The following ANKS1A variants were observed in gnomAD, a reference collection of about 807,000 sequenced individuals.
ANKS1A encodes the protein ankyrin repeat and SAM domain-containing protein 1A.
Under a neutral mutation model 120.3 loss-of-function variants are expected in ANKS1A, and 55 were observed. The observed-to-expected ratio is 0.46, with a 90% CI of 0.37 to 0.57. The LOEUF (loss-of-function observed/expected upper bound fraction) is 0.57. Ranked by LOEUF, ANKS1A falls within the 20% of genes least tolerant of loss-of-function variation. The pLI is 0.00. For missense variants in ANKS1A, 1,123 were observed against 1,480.3 expected (o/e 0.76, Z 3.96); for synonymous variants, 590 against 604.7 (o/e 0.98, Z 0.36).
chr6:35,080,341 C>T (rs1777606064), intron 16 of ANKS1A, among the ~76,000 whole-genome samples: 1 of 152,234 alleles, frequency 6.6e-6, no homozygotes, highest in Admixed American at 6.5e-5. Context: ...CACCCATGAT[C>T]TGTTGCTCCT....
At chr6:34,979,468 C>CAA (rs1287647537) in intron 3 of ANKS1A, among the ~76,000 whole-genome samples, 1 of 152,164 alleles carries the variant, frequency 6.6e-6, no homozygotes, top group African/African-American at 2.4e-5. Flanking sequence ...TGTGGTTAGA[C>CAA]CATTTTTAAC....
At chr6:34,922,042 G>A (rs9394258) in intron 1 of ANKS1A, among the ~76,000 whole-genome samples, 11,373 of 144,860 alleles carry the variant, frequency 0.079, 624 homozygotes, top group East Asian at 0.34. Flanking sequence ...TTTGAGATAG[G>A]GTCTCCTTGT....
At chr6:34,954,012 A>G (rs929224854) in intron 1 of ANKS1A, among the ~76,000 whole-genome samples, 2 of 152,210 alleles carry the variant, frequency 1.3e-5, no homozygotes, top group African/African-American at 4.8e-5. Context: ...CCCCCCAAAT[A>G]ATAGTGAAGG....
chr6:34,998,932 G>A (rs1773001814), intron 10 of ANKS1A, among the ~76,000 whole-genome samples: 1 of 152,188 alleles, frequency 6.6e-6, no homozygotes, highest in African/African-American at 2.4e-5. Flanking sequence ...TCCCTGCGGG[G>A]GACTCCAACC....
intron 1 of ANKS1A, among the ~76,000 whole-genome samples, chr6:34,952,144 C>T (rs574856701): frequency 2.0e-5 from 3 of 152,260 alleles, no homozygotes; most frequent in East Asian, 3.9e-4. Flanking sequence ...AAGTTATTTC[C>T]GTCCATGCTT....
rs139020227 is a variant in ANKS1A at position 34,985,376 on chromosome 6, A to G, written c.1209+98A>G. The G allele has an allele frequency of 9.1e-5, 116 of 1,272,350 alleles. No individual in the cohort carries two copies. The East Asian group carries it at 2.5e-3, about 27-fold the overall frequency. The allele number at this position is 1,272,350 out of a possible 1,614,324, so 78.8% of individuals were successfully genotyped here. Reference sequence around the variant, plus strand: ...GAAGGGAAGTGTGATCCCTGGTGCCAGCTCATGTTTCCGGGGCCTGGAGCC... The same window carrying G: ...GAAGGGAAGTGTGATCCCTGGTGCCGGCTCATGTTTCCGGGGCCTGGAGCC... On this transcript the variant is annotated intron_variant, in intron 8 of 23. Transcript: ENST00000360359.
chr6:34,968,505 T>C (rs1212617710), intron 2 of ANKS1A, among the ~76,000 whole-genome samples: 1 of 152,126 alleles, frequency 6.6e-6, no homozygotes, highest in Non-Finnish European at 1.5e-5. Flanking sequence ...TGGCATGATC[T>C]TGGCTCACTG....
At chr6:34,900,313 T>A (rs1767284983) in intron 1 of ANKS1A, among the ~76,000 whole-genome samples, 1 of 152,206 alleles carries the variant, frequency 6.6e-6, no homozygotes, top group South Asian at 2.1e-4. Context: ...ACTTACTATA[T>A]GCTTAGGTAA....
At position 35,017,786 on chromosome 6, in the gene ANKS1A, G is replaced by A. The variant is rs41270044; in HGVS notation, c.1737G>A (p.Ser579=). The change falls in exon 11 of 24, where the codon TCG becomes TCA. Residue 579 remains serine, a synonymous_variant. Transcript: ENST00000360359. ...GCCTGCCCACCACCAACAGCCGCTC[G>A]CACCCTGAAACTTTGACTCACACAG... The part of the protein sequence containing the change: ...LTGLPTTNSR[S]HPETLTHTAS... 9.6e-3 allele frequency: 15,433 copies of A among 1,614,118 alleles called. 448 individuals carry two copies. Among genetic ancestry groups the A allele is most frequent in the East Asian group, 0.09 (4,036 of 44,872 alleles).
intron 13 of ANKS1A, among the ~76,000 whole-genome samples, chr6:35,062,918 T>A (rs1331912963): frequency 6.6e-6 from 1 of 152,216 alleles, no homozygotes; most frequent in Non-Finnish European, 1.5e-5. Flanking sequence ...TGTCTCTTGG[T>A]CCCAGGTTTA....
chr6:34,985,704 A>G (rs974893494), intron 8 of ANKS1A, among the ~76,000 whole-genome samples: 15 of 152,196 alleles, frequency 9.9e-5, no homozygotes, highest in African/African-American at 3.6e-4. Flanking sequence ...CTTACTATCC[A>G]CTTGCCCTGA....
chr6:35,045,673 G>A (rs1775685371), intron 11 of ANKS1A, among the ~76,000 whole-genome samples: 1 of 152,218 alleles, frequency 6.6e-6, no homozygotes, highest in Non-Finnish European at 1.5e-5. Context: ...CATATGGCTA[G>A]TGCTGTGATC....
chr6:35,016,578 T>C (rs1774015275), intron 10 of ANKS1A, among the ~76,000 whole-genome samples: 1 of 152,128 alleles, frequency 6.6e-6, no homozygotes, highest in Admixed American at 6.5e-5. Context: ...GAGTGTACAG[T>C]AGTAGCTGGC....
intron 11 of ANKS1A, chr6:35,023,584 C>A (rs937560343): frequency 1.8e-4 from 86 of 470,874 alleles, no homozygotes; most frequent in Non-Finnish European, 3.7e-4. Flanking sequence ...GAAAGGAGTG[C>A]AGCTGAAACT....
intron 1 of ANKS1A, among the ~76,000 whole-genome samples, chr6:34,937,321 A>T (rs953349930): frequency 4.0e-5 from 6 of 151,424 alleles, no homozygotes; most frequent in African/African-American, 1.2e-4. Context: ...ATATATATAT[A>T]TATATTTTTT....
rs547296357 is a variant in ANKS1A at position 35,048,228 on chromosome 6, T to C, written c.2011-5871T>C. 4.3e-4 allele frequency among the ~76,000 whole-genome samples: 65 copies of C among 152,168 alleles called. 1 individual carries two copies. The highest frequency in any genetic ancestry group is 6.2e-4 in the Non-Finnish European group (42 of 67,990). ...ACAGCTCTGTTGTCTCTCAGCCTAGTAGGAAAAGGGGAGTTGAAAAAGAAG... is the reference window on the plus strand; with the variant it reads ...ACAGCTCTGTTGTCTCTCAGCCTAGCAGGAAAAGGGGAGTTGAAAAAGAAG... On this transcript the variant is annotated intron_variant, in intron 11 of 23. Transcript: ENST00000360359.
intron 23 of ANKS1A, 60 bp downstream of exon 23, chr6:35,087,109 C>T: frequency 5.3e-6 from 8 of 1,508,562 alleles, no homozygotes; most frequent in Non-Finnish European, 7.4e-6. Flanking sequence ...CTCACTGTGC[C>T]TTTGCCATCC....
At chr6:34,953,195 C>T (rs954323535) in intron 1 of ANKS1A, among the ~76,000 whole-genome samples, 3 of 152,240 alleles carry the variant, frequency 2.0e-5, no homozygotes, top group Admixed American at 1.3e-4. Flanking sequence ...GAATCTGCCC[C>T]TGAGTTGCTT....
rs952647921 is a variant in ANKS1A at position 35,091,045 on chromosome 6, T to C, written c.*2436T>C. 9.1e-6 allele frequency: 9 copies of C among 985,824 alleles called. No individual in the cohort carries two copies. The highest frequency in any genetic ancestry group is 7.0e-5 in the African/African-American group (4 of 57,258). 61.1% of individuals were successfully genotyped at this position (985,824 alleles called of 1,614,324 possible). A position where few individuals can be genotyped will look rare whatever the true frequency, so the allele number is the denominator to read the frequency against. On this transcript the variant is annotated 3_prime_UTR_variant, in exon 24 of 24. Coordinates refer to ENST00000360359, the MANE Select transcript of ANKS1A (RefSeq NM_015245.3). The stretch of plus-strand genomic sequence containing the variant: ...AGAGACATTAGAAAACCAGTCTGAA[T>C]TGGGTCTGTCTTTGAGATGCCCAGG...
Sources: allele counts gnomAD v4.1 joint callset (sites outside exome capture counted in the v4.1 genomes callset), GRCh38; gene constraint gnomAD v4.1.1; transcripts MANE v1.5; gene names NCBI Gene and HGNC (gene_info 2026-07-23, HGNC 2026-07-21).